Variants in SIPA1L1 observed in about 807,000 individuals in gnomAD.
SIPA1L1 encodes signal-induced proliferation-associated 1-like protein 1.
A neutral mutation model predicts 162.7 loss-of-function variants in SIPA1L1; 26 were observed. The observed-to-expected ratio is 0.16, with a 90% CI of 0.12 to 0.22. The LOEUF (loss-of-function observed/expected upper bound fraction) is 0.22, where lower values mean the gene tolerates loss of function less well. SIPA1L1 is among the 10% of genes least tolerant of loss of function. The probability of loss-of-function intolerance (pLI) is 1.00; values close to 1 mark genes in which losing one functional copy is unlikely to be tolerated. For missense variants in SIPA1L1, 1,874 were observed against 2,241.0 expected (o/e 0.84, Z 3.31); for synonymous variants, 829 against 837.4 (o/e 0.99, Z 0.17).
chr14:71,692,332 G>T (rs1361558857), intron 13 of SIPA1L1, among the ~76,000 whole-genome samples: 1 of 152,190 alleles, frequency 6.6e-6, no homozygotes, highest in Non-Finnish European at 1.5e-5. Context: ...ATTGCTGGTA[G>T]AGCTTTTCTA....
chr14:71,553,066 CAG>C (rs1419615918), intron 4 of SIPA1L1, among the ~76,000 whole-genome samples: 4 of 152,264 alleles, frequency 2.6e-5, no homozygotes, highest in Admixed American at 6.5e-5. Flanking sequence ...CTCTGGAGGG[CAG>C]AGTCTCCCCT....
chr14:71,549,604 A>G, intron 4 of SIPA1L1, among the ~76,000 whole-genome samples: 1 of 152,136 alleles, frequency 6.6e-6, no homozygotes, highest in East Asian at 1.9e-4. Flanking sequence ...AGGTCACCAG[A>G]CACATTGTAC....
intron 2 of SIPA1L1, among the ~76,000 whole-genome samples, chr14:71,345,443 T>G (rs1010928401): frequency 6.6e-6 from 1 of 152,142 alleles, no homozygotes; most frequent in Non-Finnish European, 1.5e-5. Context: ...CAGCTCAGTT[T>G]TAAGTGCCAA....
chr14:71,646,222 G>C (rs2042148866), intron 7 of SIPA1L1, among the ~76,000 whole-genome samples: 1 of 150,814 alleles, frequency 6.6e-6, no homozygotes, highest in Non-Finnish European at 1.5e-5. Flanking sequence ...CGTCTCCCAG[G>C]CTGGAGTGCA....
chr14:71,609,579 G>A (rs1263723216), intron 5 of SIPA1L1, among the ~76,000 whole-genome samples: 3 of 152,068 alleles, frequency 2.0e-5, no homozygotes, highest in African/African-American at 7.2e-5. Flanking sequence ...TGATTCTCCT[G>A]CCTCAGCCTC....
At chr14:71,537,560 A>G (rs995403666) in intron 4 of SIPA1L1, among the ~76,000 whole-genome samples, 1 of 152,174 alleles carries the variant, frequency 6.6e-6, no homozygotes, top group African/African-American at 2.4e-5. Context: ...TAGATAAGCA[A>G]TTCCAGTGTA....
chr14:71,696,169 C>T (rs1035207706), intron 13 of SIPA1L1, among the ~76,000 whole-genome samples: 9 of 152,194 alleles, frequency 5.9e-5, no homozygotes, highest in Admixed American at 5.9e-4. Context: ...AACCTAATTA[C>T]AGTGCCAGTG....
chr14:71,590,611 C>G (rs2035262945), intron 5 of SIPA1L1, among the ~76,000 whole-genome samples: 1 of 152,116 alleles, frequency 6.6e-6, no homozygotes, highest in South Asian at 2.1e-4. Context: ...ACTAAACATC[C>G]ATGTCTCATT....
At chr14:71,700,424 TA>T (rs1180375227) in intron 14 of SIPA1L1, among the ~76,000 whole-genome samples, 4 of 152,352 alleles carry the variant, frequency 2.6e-5, no homozygotes, top group Middle Eastern at 3.4e-3. Flanking sequence ...CCATGCCTTT[TA>T]AAAAAGTCTT....
At chr14:71,592,410 A>T (rs1055067263) in intron 5 of SIPA1L1, among the ~76,000 whole-genome samples, 1 of 152,222 alleles carries the variant, frequency 6.6e-6, no homozygotes, top group African/African-American at 2.4e-5. Flanking sequence ...CTTATAATAG[A>T]CAACTTTGAT....
At chr14:71,578,099 C>T (rs980824694) in intron 4 of SIPA1L1, among the ~76,000 whole-genome samples, 1 of 151,594 alleles carries the variant, frequency 6.6e-6, no homozygotes, top group Non-Finnish European at 1.5e-5. Flanking sequence ...TTAGTAGAGA[C>T]GGGGTTTCAC....
intron 10 of SIPA1L1, among the ~76,000 whole-genome samples, chr14:71,669,740 T>C (rs1020215040): frequency 6.6e-6 from 1 of 152,154 alleles, no homozygotes; most frequent in African/African-American, 2.4e-5. Flanking sequence ...CCACTGTTCT[T>C]TGTCATGAAG....
chr14:71,352,628 T>G (rs1336590191), intron 2 of SIPA1L1, among the ~76,000 whole-genome samples: 1 of 152,218 alleles, frequency 6.6e-6, no homozygotes, highest in Non-Finnish European at 1.5e-5. Context: ...ATACCACAGT[T>G]TACTGTCTTC....
intron 12 of SIPA1L1, among the ~76,000 whole-genome samples, chr14:71,682,157 C>A (rs2045867523): frequency 1.3e-5 from 2 of 152,190 alleles, no homozygotes; most frequent in Admixed American, 1.3e-4. Context: ...GCCTCTATTT[C>A]CTCCTCTACA....
chr14:71,466,563 A>G (rs2047008712), intron 2 of SIPA1L1, among the ~76,000 whole-genome samples: 1 of 151,038 alleles, frequency 6.6e-6, no homozygotes, highest in Admixed American at 6.6e-5. Context: ...AACAACAGGC[A>G]TTAATAGAGC....
intron 4 of SIPA1L1, among the ~76,000 whole-genome samples, chr14:71,568,193 C>G (rs1043112290): frequency 3.3e-5 from 5 of 152,138 alleles, no homozygotes; most frequent in Admixed American, 6.6e-5. Context: ...TCTCATTTTA[C>G]CCAGCCTCTA....
chr14:71,542,482 C>T (rs145932383), intron 4 of SIPA1L1, among the ~76,000 whole-genome samples: 1 of 151,158 alleles, frequency 6.6e-6, no homozygotes, highest in Non-Finnish European at 1.5e-5. Flanking sequence ...TCTGCTTCTG[C>T]TTCTTCTGCT....
At chr14:71,658,303 A>C (rs537900528) in intron 8 of SIPA1L1, 30 bp from the exon 9 acceptor site, 46 of 943,350 alleles carry the variant, frequency 4.9e-5, no homozygotes, top group South Asian at 2.5e-4. Context: ...TGTTATAGTC[A>C]TCTCATCATT....
chr14:71,730,428 G>GC (rs2084660988), intron 20 of SIPA1L1, 127 bp downstream of exon 20: 1 of 1,078,416 alleles, frequency 9.3e-7, no homozygotes, highest in East Asian at 2.4e-5. Context: ...CAGCTCACCC[G>GC]CCCCTTCCTC....
Sources: allele counts gnomAD v4.1 joint callset (sites outside exome capture counted in the v4.1 genomes callset), GRCh38; gene constraint gnomAD v4.1.1; transcripts MANE v1.5; gene names NCBI Gene and HGNC (gene_info 2026-07-23, HGNC 2026-07-21).